ARHGAP24: variants seen among roughly 807,000 people sequenced by gnomAD.
ARHGAP24 encodes the protein Rho GTPase activating protein 24, also known as rho GTPase-activating protein 24.
Under a neutral mutation model 76.4 loss-of-function variants are expected in ARHGAP24, and 50 were observed. The ratio of observed to expected loss-of-function variants is 0.65; its 90% CI spans 0.52 to 0.83. The LOEUF (loss-of-function observed/expected upper bound fraction) is 0.83, where lower values mean the gene tolerates loss of function less well. ARHGAP24 is among the 40% of genes least tolerant of loss of function. The probability of loss-of-function intolerance (pLI) is 0.00; values close to 1 mark genes in which losing one functional copy is unlikely to be tolerated. For missense variants in ARHGAP24, 930 were observed against 914.2 expected (o/e 1.02, Z -0.22); for synonymous variants, 345 against 323.3 (o/e 1.07, Z -0.72).
At chr4:85,931,436 C>T (rs990137947) in intron 4 of ARHGAP24, among the ~76,000 whole-genome samples, 1 of 152,150 alleles carries the variant, frequency 6.6e-6, no homozygotes, top group Admixed American at 6.5e-5. Context: ...GCTGTGTTCC[C>T]GTCACCTTGT....
At chr4:85,606,326 A>G (rs1452982801) in intron 2 of ARHGAP24, among the ~76,000 whole-genome samples, 2 of 152,238 alleles carry the variant, frequency 1.3e-5, no homozygotes, top group African/African-American at 4.8e-5. Flanking sequence ...ATCCTGGCTA[A>G]CACAGCGAAA....
chr4:85,643,620 T>C (rs1248475968), intron 2 of ARHGAP24, among the ~76,000 whole-genome samples: 1 of 152,136 alleles, frequency 6.6e-6, no homozygotes, highest in African/African-American at 2.4e-5. Flanking sequence ...TCACTTTTAT[T>C]ATGCTTATTA....
At chr4:85,621,143 G>T (rs553242554) in intron 2 of ARHGAP24, among the ~76,000 whole-genome samples, 4 of 152,196 alleles carry the variant, frequency 2.6e-5, no homozygotes, top group East Asian at 1.9e-4. Flanking sequence ...ATTGCATGTT[G>T]TCTATATACC....
chr4:85,992,647 A>T (rs980282899), intron 8 of ARHGAP24, among the ~76,000 whole-genome samples: 2 of 152,224 alleles, frequency 1.3e-5, no homozygotes, highest in Non-Finnish European at 2.9e-5. Context: ...AGCATTGAAT[A>T]CACAATGTCT....
intron 3 of ARHGAP24, among the ~76,000 whole-genome samples, chr4:85,770,893 G>A (rs1377855029): frequency 1.3e-5 from 2 of 152,204 alleles, no homozygotes; most frequent in African/African-American, 2.4e-5. Flanking sequence ...CGTTGCAGGA[G>A]TGGGGCAGGA....
chr4:85,713,159 G>T (rs138074716), intron 2 of ARHGAP24, among the ~76,000 whole-genome samples: 5 of 151,988 alleles, frequency 3.3e-5, no homozygotes, highest in Non-Finnish European at 7.4e-5. Context: ...TTAGCCAGGC[G>T]TGGTGGCATG....
chr4:85,491,354 G>A (rs1723350940), intron 1 of ARHGAP24, among the ~76,000 whole-genome samples: 1 of 152,016 alleles, frequency 6.6e-6, no homozygotes, highest in Admixed American at 6.6e-5. Flanking sequence ...GCTAATTTTT[G>A]TGTTTAACTT....
At chr4:85,511,047 A>C (rs1724262549) in intron 1 of ARHGAP24, among the ~76,000 whole-genome samples, 1 of 152,214 alleles carries the variant, frequency 6.6e-6, no homozygotes, top group Admixed American at 6.5e-5. Context: ...CCACCCATAA[A>C]ATACAAAGAA....
chr4:85,589,407 T>A (rs2623769), intron 2 of ARHGAP24, among the ~76,000 whole-genome samples: 142,961 of 152,298 alleles, frequency 0.94, 67,182 homozygotes, highest in African/African-American at 0.98. Flanking sequence ...TATACAAAAC[T>A]AAAACAAACA....
intron 3 of ARHGAP24, among the ~76,000 whole-genome samples, chr4:85,903,331 T>C (rs1734603087): frequency 6.6e-6 from 1 of 152,216 alleles, no homozygotes; most frequent in Non-Finnish European, 1.5e-5. Context: ...GATTTGATTT[T>C]ACTGCAGCTT....
intron 1 of ARHGAP24, among the ~76,000 whole-genome samples, chr4:85,516,613 C>CT (rs5859978): frequency 0.29 from 42,103 of 145,916 alleles, 6,295 homozygotes; most frequent in South Asian, 0.38. Flanking sequence ...TGTATTTCAT[C>CT]TTTTTTTTTT....
chr4:85,584,296 A>G (rs1359599775), intron 2 of ARHGAP24, among the ~76,000 whole-genome samples: 2 of 152,164 alleles, frequency 1.3e-5, no homozygotes, highest in East Asian at 1.9e-4. Context: ...TTGTAGGGAC[A>G]TGGATGAAAT....
intron 1 of ARHGAP24, among the ~76,000 whole-genome samples, chr4:85,483,935 T>C (rs1207351265): frequency 6.6e-6 from 1 of 152,190 alleles, no homozygotes; most frequent in Non-Finnish European, 1.5e-5. Flanking sequence ...GGACCACTTA[T>C]TATTCAAAGG....
intron 3 of ARHGAP24, among the ~76,000 whole-genome samples, chr4:85,914,454 G>T (rs1264501494): frequency 6.6e-6 from 1 of 152,102 alleles, no homozygotes; most frequent in Non-Finnish European, 1.5e-5. Flanking sequence ...AAGTTTCCGG[G>T]TGCTGCCGAG....
At chr4:85,618,797 A>C (rs944355264) in intron 2 of ARHGAP24, among the ~76,000 whole-genome samples, 1 of 151,970 alleles carries the variant, frequency 6.6e-6, no homozygotes, top group East Asian at 1.9e-4. Flanking sequence ...ATGTCTATTC[A>C]AGTTTTTACC....
At chr4:85,751,744 C>T (rs1312182665) in intron 3 of ARHGAP24, among the ~76,000 whole-genome samples, 3 of 152,134 alleles carry the variant, frequency 2.0e-5, no homozygotes, top group Non-Finnish European at 4.4e-5. Flanking sequence ...TTCCCAATCC[C>T]TCAAGTTTGG....
intron 3 of ARHGAP24, among the ~76,000 whole-genome samples, chr4:85,738,796 G>T (rs755643329): frequency 6.6e-6 from 1 of 152,168 alleles, no homozygotes; most frequent in Non-Finnish European, 1.5e-5. Flanking sequence ...CCAGCACCAC[G>T]TGTTGAACAC....
At chr4:85,569,154 G>A (rs552702082) in intron 1 of ARHGAP24, among the ~76,000 whole-genome samples, 2 of 152,304 alleles carry the variant, frequency 1.3e-5, no homozygotes, top group African/African-American at 4.8e-5. Context: ...ATAAAGACCA[G>A]ACAGAAAGAC....
At chr4:85,865,503 T>C (rs1732145679) in intron 3 of ARHGAP24, among the ~76,000 whole-genome samples, 1 of 147,322 alleles carries the variant, frequency 6.8e-6, no homozygotes, top group Non-Finnish European at 1.5e-5. Context: ...ATAATTTAAA[T>C]AAAAAACAAT....
Sources: gnomAD v4.1 joint callset for allele counts (sites outside exome capture counted in the v4.1 genomes callset) on GRCh38, gnomAD v4.1.1 for gene constraint, MANE v1.5 for transcripts, NCBI Gene and HGNC (gene_info 2026-07-23, HGNC 2026-07-21) for gene names.